CAPN13: variants seen among roughly 807,000 people sequenced by gnomAD.
The protein encoded by CAPN13 is calpain 13, also known as calpain-13.
CAPN13 carries 90 observed loss-of-function variants against 98.4 expected under a neutral mutation model. The observed-to-expected ratio is 0.92, with a 90% CI of 0.77 to 1.09. The LOEUF (loss-of-function observed/expected upper bound fraction) is 1.09, where lower values mean the gene tolerates loss of function less well. CAPN13 is among the 50% of genes least tolerant of loss of function. CAPN13 has a pLI of 0.00. For synonymous variants in CAPN13, 330 were observed against 305.5 expected (o/e 1.08, Z -0.84); for missense variants, 887 against 841.3 (o/e 1.05, Z -0.67).
In CAPN13 at chr2:30,732,565, G is replaced by A. The variant is rs747163394; in HGVS notation, c.1800C>T (p.Asp600=). The A allele has an allele frequency of 3.1e-6, 5 of 1,607,112 alleles. No homozygotes were observed. The highest frequency in any genetic ancestry group is 1.3e-5 in the African/African-American group (1 of 74,846). The part of the protein sequence containing the change: ...SDLWKAIENT[D]FLRGIFISRE... ...GGCTGATGAAGATCCCTCTGAGGAA[G>A]TCTGGGGCCACAGGTGAACGAGTGA... Residue 600 remains aspartate (D), a splice_region_variant and synonymous_variant, in exon 20 of 23, where the codon GAC becomes GAT. Coordinates refer to ENST00000295055, the MANE Select transcript of CAPN13 (RefSeq NM_144575.3).
rs986294434 is a variant in CAPN13 at position 30,741,809 on chromosome 2, C to T, written c.1536+99G>A. On this transcript the variant is annotated intron_variant, in intron 15 of 22. Coordinates refer to ENST00000295055, the MANE Select transcript of CAPN13 (RefSeq NM_144575.3). ...GGTAAAATAGTCCATCAAGTCACTT[C>T]TCCTCTCTGCATCCCAGTAAGGGCC... 1.9e-6 allele frequency: 3 copies of T among 1,590,260 alleles called. No individual in the cohort carries two copies. The African/African-American group carries it at 4.0e-5, about 21-fold the overall frequency.
chr2:30,795,791 T>G (rs1674826584), intron 1 of CAPN13, among the ~76,000 whole-genome samples: 1 of 152,120 alleles, frequency 6.6e-6, no homozygotes. Flanking sequence ...TGCTTTAAGT[T>G]TAATTTTTAT....
At chr2:30,759,025 TCCTTCCCTCCCTCCCTCCTTCCTTC>T (rs1672652343) in intron 7 of CAPN13, among the ~76,000 whole-genome samples, 2 of 52,360 alleles carry the variant, frequency 3.8e-5, no homozygotes, top group Non-Finnish European at 7.5e-5. Flanking sequence ...CTCCTATTCT[TCCTTCCCTCCCTCCCTCCTTCCTTC>T]CTTCCCTCCC....
At position 30,764,986 on chromosome 2, in the gene CAPN13, G is replaced by A. The variant is rs528712189; in HGVS notation, c.525-680C>T. ...AACTGAAGGTAACATAGGTAAGGATGAGTCTTACATAACATACCCCAAAAG... is the reference window on the plus strand; with the variant it reads ...AACTGAAGGTAACATAGGTAAGGATAAGTCTTACATAACATACCCCAAAAG... On this transcript the variant is annotated intron_variant, in intron 5 of 22. Coordinates refer to ENST00000295055, the MANE Select transcript of CAPN13 (RefSeq NM_144575.3). Among the ~76,000 whole-genome samples the A allele has an allele frequency of 3.5e-4, 53 of 152,220 alleles. 1 individual carries two copies. In the South Asian group the frequency reaches 7.7e-3, roughly 22 times the overall value.
Position 30,731,381 on chromosome 2 carries a change from G to T in CAPN13, c.1946C>A (p.Ser649Tyr). 1 of 1,611,096 alleles carries T rather than the reference G, an allele frequency of 6.2e-7. No homozygotes were observed. Among genetic ancestry groups the T allele is most frequent in the Non-Finnish European group, 8.5e-7 (1 of 1,178,580 alleles). ...EAMAKTFRNLSKDGKGLYLTE... is the reference protein window; with the variant it reads ...EAMAKTFRNLYKDGKGLYLTE... ...CAGGTAGAGTCCTTTTCCATCCTTA[G>T]AGAGGTTGCGGAAGGTCTCTAGGAT... Residue 649 changes from serine (S) to tyrosine (Y), a missense_variant, in exon 21 of 23, where the codon TCT becomes TAT. Transcript: ENST00000295055.
At chr2:30,791,648 T>C (rs1674611017) in intron 1 of CAPN13, among the ~76,000 whole-genome samples, 1 of 152,256 alleles carries the variant, frequency 6.6e-6, no homozygotes, top group Non-Finnish European at 1.5e-5. Flanking sequence ...TTTATTAACA[T>C]TTCATGGAAA....
At chr2:30,760,408 G>A (rs1224330856) in intron 7 of CAPN13, among the ~76,000 whole-genome samples, 1 of 152,172 alleles carries the variant, frequency 6.6e-6, no homozygotes, top group East Asian at 1.9e-4. Context: ...CACCGTCAGT[G>A]CCTCACAGAT....
intron 2 of CAPN13, among the ~76,000 whole-genome samples, chr2:30,783,248 C>T (rs1429173172): frequency 6.6e-6 from 1 of 152,178 alleles, no homozygotes; most frequent in Non-Finnish European, 1.5e-5. Flanking sequence ...ACATAGATAC[C>T]TCACATGTAA....
chr2:30,761,542 A>G (rs1372592430), intron 7 of CAPN13, among the ~76,000 whole-genome samples: 1 of 152,138 alleles, frequency 6.6e-6, no homozygotes, highest in Non-Finnish European at 1.5e-5. Context: ...GGGTACACGA[A>G]TCCCTTCTCC....
intron 1 of CAPN13, among the ~76,000 whole-genome samples, chr2:30,797,902 G>A (rs557794920): frequency 1.3e-5 from 2 of 152,324 alleles, no homozygotes; most frequent in South Asian, 2.1e-4. Flanking sequence ...CTGTCTGAGG[G>A]GGCTTTTTCC....
At chr2:30,776,190 G>C (rs1056771339) in intron 3 of CAPN13, 145 bp from the exon 4 acceptor site, 2 of 557,894 alleles carry the variant, frequency 3.6e-6, no homozygotes. Context: ...AGAACCGGGG[G>C]AGGGAGTCAC....
In CAPN13 at chr2:30,753,145, T is replaced by G; in HGVS notation, c.995A>C (p.Glu332Ala). The change falls in exon 10 of 23, where the codon GAA becomes GCA. Residue 332 changes from glutamate to alanine, a missense_variant. Transcript: ENST00000295055. ...TCCATGGTCCAGGGTAATTGGAATT[T>G]CGCTACATATAAACATGGCGATGAA... is the stretch of plus-strand genomic sequence containing the variant. ...QKFIAMFICS[E>A]IPITLDHGNT... is the part of the protein sequence containing the mutation. 6.2e-7 allele frequency: 1 copy of G among 1,614,062 alleles called. No homozygotes were observed. The highest frequency in any genetic ancestry group is 1.1e-5 in the South Asian group (1 of 91,080).
chr2:30,755,480 CTTAA>C (rs368221561), intron 8 of CAPN13, among the ~76,000 whole-genome samples: 412 of 152,118 alleles, frequency 2.7e-3, no homozygotes, highest in African/African-American at 9.2e-3. Context: ...TTTTTGTTTG[CTTAA>C]TTAATTAATG....
chr2:30,765,986 C>T (rs888731414), intron 5 of CAPN13, among the ~76,000 whole-genome samples: 5 of 152,172 alleles, frequency 3.3e-5, no homozygotes, highest in South Asian at 2.1e-4. Flanking sequence ...TGGTGGTGAG[C>T]GTGCCCGGTT....
chr2:30,793,025 T>G (rs889472172), intron 1 of CAPN13, among the ~76,000 whole-genome samples: 1 of 151,904 alleles, frequency 6.6e-6, no homozygotes, highest in Non-Finnish European at 1.5e-5. Flanking sequence ...GGAGGGTATC[T>G]GTGAAAAATT....
At chr2:30,777,498 C>A in intron 3 of CAPN13, 69 bp downstream of exon 3, 1 of 1,374,606 alleles carries the variant, frequency 7.3e-7, no homozygotes, top group Non-Finnish European at 1.0e-6. Context: ...TGGGGCAGGA[C>A]TCTGTGGGTA....
chr2:30,782,922 C>T (rs1674065855), intron 2 of CAPN13, among the ~76,000 whole-genome samples: 1 of 152,134 alleles, frequency 6.6e-6, no homozygotes, highest in African/African-American at 2.4e-5. Flanking sequence ...AAAAGTTAAA[C>T]CTTTAATCCC....
At chr2:30,777,821 G>C (rs529942749) in intron 2 of CAPN13, among the ~76,000 whole-genome samples, 182 bp from the exon 3 acceptor site, 1 of 152,184 alleles carries the variant, frequency 6.6e-6, no homozygotes, top group Non-Finnish European at 1.5e-5. Context: ...CAGGTGTCAC[G>C]GAGTGTAAAT....
intron 4 of CAPN13, among the ~76,000 whole-genome samples, chr2:30,774,784 TA>T (rs1673600051): frequency 6.6e-6 from 1 of 152,198 alleles, no homozygotes; most frequent in African/African-American, 2.4e-5. Context: ...TCAAGGTATG[TA>T]TAGCTCAATC....
Sources: gnomAD v4.1 joint callset for allele counts (sites outside exome capture counted in the v4.1 genomes callset) on GRCh38, gnomAD v4.1.1 for gene constraint, MANE v1.5 for transcripts, NCBI Gene and HGNC (gene_info 2026-07-23, HGNC 2026-07-21) for gene names.